NECTIN1: variants seen among roughly 807,000 people sequenced by gnomAD.
NECTIN1 encodes nectin cell adhesion molecule 1.
In NECTIN1, 23 loss-of-function variants were observed where a neutral mutation model predicts 48.0. The ratio of observed to expected loss-of-function variants is 0.48; its 90% CI spans 0.34 to 0.68. The LOEUF (loss-of-function observed/expected upper bound fraction) is 0.68, where lower values mean the gene tolerates loss of function less well. Ranked by LOEUF, NECTIN1 falls within the 30% of genes least tolerant of loss-of-function variation. NECTIN1 has a pLI of 0.01. For missense variants in NECTIN1, 591 were observed against 709.9 expected (o/e 0.83, Z 1.90); for synonymous variants, 270 against 288.9 (o/e 0.93, Z 0.66).
At chr11:119,657,257 A>G (rs1864590485), downstream of NECTIN1, among the ~76,000 whole-genome samples, 1 of 152,066 alleles carries the variant, frequency 6.6e-6, no homozygotes, top group African/African-American at 2.4e-5. Context: ...CATGACTGAC[A>G]CCTGGGGCGG....
chr11:119,648,292 G>A (rs112102363), intron 5 of NECTIN1, among the ~76,000 whole-genome samples: 6 of 19,252 alleles, frequency 3.1e-4, no homozygotes, highest in Non-Finnish European at 3.5e-4. Context: ...GGTGGTGATG[G>A]TGGTGGTGGT....
chr11:119,667,126 C>T (rs1864785427), intron 5 of NECTIN1, among the ~76,000 whole-genome samples: 1 of 152,162 alleles, frequency 6.6e-6, no homozygotes, highest in African/African-American at 2.4e-5. Flanking sequence ...AGCAGCCTCC[C>T]TGGAACCTCA....
chr11:119,661,977 C>T lies in NECTIN1; in HGVS notation c.*2770G>A, dbSNP rs1002048552. 6.1e-6 allele frequency: 6 copies of T among 985,344 alleles called. No homozygotes were observed. The highest frequency in any genetic ancestry group is 7.2e-6 in the Non-Finnish European group (6 of 829,934). The allele number at this position is 985,344 out of a possible 1,614,324, so 61.0% of individuals were successfully genotyped here. A position where few individuals can be genotyped will look rare whatever the true frequency, so the allele number is the denominator to read the frequency against. On this transcript the variant is annotated 3_prime_UTR_variant, in exon 6 of 6. Transcript: ENST00000264025. Reference sequence around the variant, plus strand: ...ACTCTGTGCTGCTGCTTTTCAGACCCTTCTGATAAAAGGGGACTCGGCTGG... The same window carrying T: ...ACTCTGTGCTGCTGCTTTTCAGACCTTTCTGATAAAAGGGGACTCGGCTGG...
chr11:119,706,782 A>C (rs1865554115), intron 1 of NECTIN1, among the ~76,000 whole-genome samples: 1 of 152,196 alleles, frequency 6.6e-6, no homozygotes, highest in African/African-American at 2.4e-5. Context: ...TAAATGCTGG[A>C]ACAGCCTTTT....
chr11:119,679,737 G>A (rs1224301176), intron 1 of NECTIN1, among the ~76,000 whole-genome samples: 1 of 152,072 alleles, frequency 6.6e-6, no homozygotes, highest in Non-Finnish European at 1.5e-5. Flanking sequence ...AGGAGCAATT[G>A]AGTCCCGGCC....
rs578209664 is a variant in NECTIN1 at position 119,677,654 on chromosome 11, G to A, written c.634C>T (p.Arg212Cys). 3.0e-5 allele frequency: 48 copies of A among 1,614,080 alleles called. No individual in the cohort carries two copies. The highest frequency in any genetic ancestry group is 5.3e-5 in the African/African-American group (4 of 75,026). The change falls in exon 3 of 6, where the codon CGC becomes TGC. Residue 212 changes from arginine to cysteine, a missense_variant. Transcript: ENST00000264025. This position sits in a 1 kb window ranked among gnomAD's most constrained non-coding sequence, Gnocchi z 5.4. ...TGGGCTTCCCTGCTGGGCACCAGGC[G>A]GTAGCGGCTGATGACCGTCACTGTG... Reference protein sequence around the residue: ...NGTVTVISRYRLVPSREAHQQ... With the variant: ...NGTVTVISRYCLVPSREAHQQ...
chr11:119,697,062 G>C (rs994930777), intron 1 of NECTIN1, among the ~76,000 whole-genome samples: 1 of 152,134 alleles, frequency 6.6e-6, no homozygotes, highest in Non-Finnish European at 1.5e-5. Flanking sequence ...GGGCCTGGGA[G>C]GGGCAGCCTG....
downstream of NECTIN1, chr11:119,656,436 G>C (rs572587564): frequency 6.6e-6 from 1 of 152,350 alleles, no homozygotes; most frequent in Non-Finnish European, 1.5e-5. Flanking sequence ...CAAGATCCCA[G>C]TCCTCAAGGG....
intron 5 of NECTIN1, chr11:119,640,713 C>T (rs1565373392): frequency 6.6e-6 from 1 of 152,346 alleles, no homozygotes; most frequent in Non-Finnish European, 1.5e-5. Flanking sequence ...GAGACTGACC[C>T]TGTGGCCAGG....
rs1003042928 is a variant in NECTIN1, at chr11:119,661,247, A to G, written c.*3500T>C. The G allele has an allele frequency of 1.0e-6, 1 of 985,850 alleles. No individual in the cohort carries two copies. The highest frequency in any genetic ancestry group is 1.7e-5 in the African/African-American group (1 of 57,352). 61.1% of individuals were successfully genotyped at this position (985,850 alleles called of 1,614,324 possible). A position where few individuals can be genotyped will look rare whatever the true frequency, so the allele number is the denominator to read the frequency against. ...CTTTTCATTTATACAAAAAAGGAAAACCAATTTTTTCGACCAAGAATCCCA... is the reference window on the plus strand; with the variant it reads ...CTTTTCATTTATACAAAAAAGGAAAGCCAATTTTTTCGACCAAGAATCCCA... On this transcript the variant is annotated 3_prime_UTR_variant, in exon 6 of 6. Transcript: ENST00000264025.
intron 1 of NECTIN1, among the ~76,000 whole-genome samples, chr11:119,720,669 C>T (rs538126111): frequency 3.3e-5 from 5 of 152,342 alleles, no homozygotes; most frequent in East Asian, 3.9e-4. Flanking sequence ...CAAGCCATGG[C>T]GGCGTTCTGA....
chr11:119,684,130 T>A lies in NECTIN1; in HGVS notation c.80-5365A>T, dbSNP rs748549418. 1.3e-5 allele frequency among the ~76,000 whole-genome samples: 2 copies of A among 152,218 alleles called. No individual in the cohort carries two copies. Among genetic ancestry groups the A allele is most frequent in the African/African-American group, 2.4e-5 (1 of 41,462 alleles). On this transcript the variant is annotated intron_variant, in intron 1 of 5. Transcript: ENST00000264025. This position sits in a 1 kb window ranked among gnomAD's most constrained non-coding sequence, Gnocchi z 5.2. ...ACATACCCACTTAAAGCAGTTTCTC[T>A]TCCTGCCCTTTTAACCCCCAGACCC...
chr11:119,655,430 G>A (rs1412028603), intron 5 of NECTIN1, among the ~76,000 whole-genome samples: 1 of 152,164 alleles, frequency 6.6e-6, no homozygotes, highest in East Asian at 1.9e-4. Context: ...CTGGTCTGTA[G>A]GTAAGTGGGG....
At position 119,665,632 on chromosome 11, in the gene NECTIN1, T is replaced by G. The variant is rs940220600; in HGVS notation, c.1004-335A>C. On this transcript the variant is annotated intron_variant, in intron 5 of 5. Coordinates refer to ENST00000264025, the MANE Select transcript of NECTIN1 (RefSeq NM_002855.5). This position sits in a 1 kb window ranked among gnomAD's most constrained non-coding sequence, Gnocchi z 5.1. ...GTGAGACACGTGTGCCAGTTCCAGC[T>G]GCAGCACACTGCCCACTCCATGCCA... Among the ~76,000 whole-genome samples the G allele has an allele frequency of 6.6e-6, 1 of 152,164 alleles. No individual in the cohort carries two copies. The highest frequency in any genetic ancestry group is 2.4e-5 in the African/African-American group (1 of 41,436).
In NECTIN1 at chr11:119,644,940, C is replaced by T. The variant is rs117582616; in HGVS notation, c.1004-4928G>A. On this transcript the variant is annotated intron_variant, in intron 5 of 7. Coordinates refer to the NECTIN1 transcript ENST00000341398. ...GTAATAGTAATGCCCTCTCTCCTGC[C>T]GCCTCTCCCTGGGGACACAGACACT... 4.5e-3 allele frequency among the ~76,000 whole-genome samples: 689 copies of T among 152,168 alleles called. 8 individuals carry two copies. The highest frequency in any genetic ancestry group is 0.033 in the East Asian group (169 of 5,172).
chr11:119,645,526 C>A (rs1662194154), intron 5 of NECTIN1, among the ~76,000 whole-genome samples: 1 of 152,160 alleles, frequency 6.6e-6, no homozygotes, highest in Admixed American at 6.5e-5. Context: ...ACCCTTCATG[C>A]TCAGGGACCA....
chr11:119,639,745 TG>T, intron 6 of NECTIN1: 2 of 1,327,782 alleles, frequency 1.5e-6, no homozygotes, highest in Non-Finnish European at 1.1e-6. Flanking sequence ...TCCCCCAGGG[TG>T]GGGAGGCCCT....
At chr11:119,650,501 C>T (rs1429755018) in intron 5 of NECTIN1, among the ~76,000 whole-genome samples, 1 of 152,244 alleles carries the variant, frequency 6.6e-6, no homozygotes, top group Non-Finnish European at 1.5e-5. Flanking sequence ...TTTGCTGATA[C>T]ATGGGTGTAC....
intron 1 of NECTIN1, among the ~76,000 whole-genome samples, chr11:119,681,694 G>T (rs1030814511): frequency 1.8e-4 from 27 of 152,258 alleles, no homozygotes; most frequent in African/African-American, 6.5e-4. Context: ...TGTTGGGGTG[G>T]AGGTTGCTCT....
Sources: gnomAD v4.1 joint callset for allele counts (sites outside exome capture counted in the v4.1 genomes callset) on GRCh38, gnomAD v4.1.1 for gene constraint, Gnocchi (gnomAD v3.1) non-coding constraint, MANE v1.5 for transcripts, NCBI Gene and HGNC (gene_info 2026-07-23, HGNC 2026-07-21) for gene names.